Variants in UGT8 observed in about 807,000 individuals in gnomAD.
The protein encoded by UGT8 is UDP glycosyltransferase 8.
A neutral mutation model predicts 40.5 loss-of-function variants in UGT8; 12 were observed. That is an observed-to-expected ratio of 0.30 (90% CI 0.19 to 0.48). UGT8 has a LOEUF of 0.48. UGT8 is among the 20% of genes least tolerant of loss of function. The pLI is 0.99. For missense variants in UGT8, 513 were observed against 648.7 expected, an observed-to-expected ratio of 0.79 and a Z score of 2.27; for synonymous variants, 224 against 240.4, an observed-to-expected ratio of 0.93 and a Z score of 0.63.
intron 2 of UGT8, among the ~76,000 whole-genome samples, chr4:114,637,173 G>A (rs921978295): frequency 5.3e-5 from 8 of 152,186 alleles, no homozygotes; most frequent in Middle Eastern, 3.4e-3. Flanking sequence ...CCACTCCTAC[G>A]GGCGATTATG....
chr4:114,608,716 A>T (rs1423438635), intron 1 of UGT8, among the ~76,000 whole-genome samples: 2 of 152,172 alleles, frequency 1.3e-5, no homozygotes, highest in South Asian at 2.1e-4. Context: ...CTATAGGTGG[A>T]TGTGCATTCA....
At chr4:114,599,941 T>G (rs953480201) in intron 1 of UGT8, among the ~76,000 whole-genome samples, 1 of 152,032 alleles carries the variant, frequency 6.6e-6, no homozygotes, top group Non-Finnish European at 1.5e-5. Context: ...TAAAATTGAG[T>G]ACGGTAAACC....
chr4:114,614,160 A>G (rs993233917), intron 1 of UGT8, among the ~76,000 whole-genome samples: 30 of 152,196 alleles, frequency 2.0e-4, no homozygotes, highest in African/African-American at 7.2e-4. Context: ...GTCTGAAAAG[A>G]GATAACTGCA....
In UGT8 at chr4:114,664,100, G is replaced by C. The variant is rs1439966593; in HGVS notation, c.928G>C (p.Gly310Arg). 1.9e-6 allele frequency: 3 copies of C among 1,613,902 alleles called. No individual in the cohort carries two copies. The African/African-American group carries it at 4.0e-5, about 22-fold the overall frequency. ...AGAAGACATTGCTAACAAACTGGCAGGAGCTCTGGGGAGATTGCCTCAAAA... is the reference window on the plus strand; with the variant it reads ...AGAAGACATTGCTAACAAACTGGCACGAGCTCTGGGGAGATTGCCTCAAAA... Reference protein sequence around the residue: ...LSEDIANKLAGALGRLPQKVI... With the variant: ...LSEDIANKLARALGRLPQKVI... The change falls in exon 3 of 6, where the codon GGA becomes CGA. Residue 310 changes from glycine (G) to arginine (R), a missense_variant. By Grantham distance (125) the Gly-to-Arg change is moderately radical (BLOSUM62 -2). Coordinates refer to ENST00000310836, the MANE Select transcript of UGT8 (RefSeq NM_001128174.3).
intron 5 of UGT8, among the ~76,000 whole-genome samples, chr4:114,671,190 A>G (rs938671184): frequency 6.6e-6 from 1 of 152,216 alleles, no homozygotes; most frequent in South Asian, 2.1e-4. Flanking sequence ...TTCCATCCTC[A>G]TGGATAGGAA....
chr4:114,607,718 G>A (rs368195755), intron 1 of UGT8, among the ~76,000 whole-genome samples: 3 of 152,096 alleles, frequency 2.0e-5, no homozygotes, highest in East Asian at 1.9e-4. Flanking sequence ...ACAGATTTTG[G>A]TGTTGTGGAA....
At chr4:114,667,761 G>T in intron 4 of UGT8, 1 of 425,954 alleles carries the variant, frequency 2.3e-6, no homozygotes, top group Non-Finnish European at 3.1e-6. Flanking sequence ...GGTATTGTTT[G>T]GCATTTCTTG....
At chr4:114,607,466 G>A (rs577640139) in intron 1 of UGT8, among the ~76,000 whole-genome samples, 1 of 152,136 alleles carries the variant, frequency 6.6e-6, no homozygotes, top group East Asian at 1.9e-4. Flanking sequence ...ATCTTTGGTT[G>A]TGCCTCTTCT....
At chr4:114,673,405 A>G (rs751693077) in intron 5 of UGT8, among the ~76,000 whole-genome samples, 8 of 152,204 alleles carry the variant, frequency 5.3e-5, no homozygotes, top group Non-Finnish European at 7.3e-5. Flanking sequence ...GTTAGTTAGC[A>G]ATCCAGCTTT....
chr4:114,609,313 CT>C (rs1730908556), intron 1 of UGT8, among the ~76,000 whole-genome samples: 1 of 152,062 alleles, frequency 6.6e-6, no homozygotes. Flanking sequence ...GAGAGATAAG[CT>C]AGGTAAGATT....
At chr4:114,639,386 C>T (rs1733078460) in intron 2 of UGT8, among the ~76,000 whole-genome samples, 1 of 152,202 alleles carries the variant, frequency 6.6e-6, no homozygotes, top group Non-Finnish European at 1.5e-5. Context: ...AGAACATTCA[C>T]ATTCTCATTA....
intron 2 of UGT8, among the ~76,000 whole-genome samples, chr4:114,639,046 G>T (rs181500410): frequency 6.6e-5 from 10 of 152,276 alleles, no homozygotes; most frequent in Admixed American, 1.3e-4. Flanking sequence ...AACTGCAAGA[G>T]ACTCCATTAG....
At chr4:114,618,371 A>G (rs909210404) in intron 1 of UGT8, among the ~76,000 whole-genome samples, 3 of 152,346 alleles carry the variant, frequency 2.0e-5, no homozygotes, top group African/African-American at 7.2e-5. Context: ...CCTTTGCAAG[A>G]GTTGAGCATT....
intron 2 of UGT8, among the ~76,000 whole-genome samples, chr4:114,640,068 T>A (rs1462578408): frequency 1.3e-5 from 2 of 150,732 alleles, no homozygotes; most frequent in Non-Finnish European, 3.0e-5. Context: ...TCTCGCTCTG[T>A]CGCCCAGGCT....
At chr4:114,626,118 C>G (rs1287263896) in intron 2 of UGT8, among the ~76,000 whole-genome samples, 1 of 152,030 alleles carries the variant, frequency 6.6e-6, no homozygotes, top group Non-Finnish European at 1.5e-5. Flanking sequence ...AGTTTTTGAG[C>G]AGGGAGTATT....
At chr4:114,633,292 A>C (rs28442226) in intron 2 of UGT8, among the ~76,000 whole-genome samples, 5,000 of 152,326 alleles carry the variant, frequency 0.033, 259 homozygotes, top group African/African-American at 0.11. Flanking sequence ...AATATGATGC[A>C]TATTTCCAAA....
Position 114,674,891 on chromosome 4 carries a change from C to T in UGT8, c.1263-1034C>T, listed in dbSNP as rs549183504. On this transcript the variant is annotated intron_variant, in intron 5 of 5. Transcript: ENST00000310836. ...TGAATTCATGCAAGGGGGATTTAGC[C>T]ATTTGTCAAAGATTGGCACATGAAT... Among the ~76,000 whole-genome samples, 95 of 152,210 alleles carry T rather than the reference C, an allele frequency of 6.2e-4. 1 individual carries two copies. The South Asian group carries it at 0.019, about 30-fold the overall frequency.
chr4:114,662,366 G>T lies in UGT8; in HGVS notation c.823-1629G>T, dbSNP rs147667356. 3.4e-4 allele frequency among the ~76,000 whole-genome samples: 52 copies of T among 152,260 alleles called. No homozygotes were observed. The East Asian group carries it at 8.5e-3, about 25-fold the overall frequency. On this transcript the variant is annotated intron_variant, in intron 2 of 5. Coordinates refer to ENST00000310836, the MANE Select transcript of UGT8 (RefSeq NM_001128174.3). Reference sequence around the variant, plus strand: ...CTACAGCTCACTGTCACTGTCCCAGGCATGTGACAAGCCTTGGAAAAGATC... The same window carrying T: ...CTACAGCTCACTGTCACTGTCCCAGTCATGTGACAAGCCTTGGAAAAGATC...
At chr4:114,633,043 A>G (rs981106547) in intron 2 of UGT8, among the ~76,000 whole-genome samples, 28 of 152,144 alleles carry the variant, frequency 1.8e-4, no homozygotes, top group Non-Finnish European at 3.7e-4. Flanking sequence ...CTTTTTTTTC[A>G]CTACAAAGTC....
Sources: allele counts gnomAD v4.1 joint callset (sites outside exome capture counted in the v4.1 genomes callset), GRCh38; gene constraint gnomAD v4.1.1; transcripts MANE v1.5; gene names NCBI Gene and HGNC (gene_info 2026-07-23, HGNC 2026-07-21).